ABCB11: variants seen among roughly 807,000 people sequenced by gnomAD.
ABCB11 encodes ATP binding cassette subfamily B member 11.
ABCB11 carries 95 observed loss-of-function variants against 148.0 expected under a neutral mutation model. The ratio of observed to expected loss-of-function variants is 0.64; its 90% CI spans 0.54 to 0.76. ABCB11 has a LOEUF of 0.76. ABCB11 is among the 30% of genes least tolerant of loss of function. The pLI is 0.00. For synonymous variants in ABCB11, 591 were observed against 555.4 expected, an observed-to-expected ratio of 1.06 and a Z score of -0.90; for missense variants, 1,523 against 1,617.8, an observed-to-expected ratio of 0.94 and a Z score of 1.01.
At chr2:168,959,279 C>A (rs1171409877) in intron 18 of ABCB11, among the ~76,000 whole-genome samples, 1 of 151,738 alleles carries the variant, frequency 6.6e-6, no homozygotes, top group Non-Finnish European at 1.5e-5. Flanking sequence ...ACCATTTGTA[C>A]TTTGTCATTA....
intron 19 of ABCB11, among the ~76,000 whole-genome samples, chr2:168,952,779 T>C (rs1692628130): frequency 6.6e-6 from 1 of 151,312 alleles, no homozygotes; most frequent in Admixed American, 6.6e-5. Flanking sequence ...TTTTTCTAGT[T>C]TCTTGAAGTG....
chr2:168,925,572 C>A (rs575623771), intron 26 of ABCB11, among the ~76,000 whole-genome samples: 2 of 152,110 alleles, frequency 1.3e-5, no homozygotes, highest in Admixed American at 6.5e-5. Flanking sequence ...GAAAATGGTG[C>A]GAGGACAAGT....
intron 19 of ABCB11, among the ~76,000 whole-genome samples, chr2:168,948,170 T>A (rs1012159553): frequency 6.6e-6 from 1 of 151,586 alleles, no homozygotes; most frequent in Non-Finnish European, 1.5e-5. Flanking sequence ...ACAGTTTAGG[T>A]GGAGATGGGT....
chr2:169,030,907 G>A (rs1412795310), intron 1 of ABCB11, among the ~76,000 whole-genome samples: 2 of 152,126 alleles, frequency 1.3e-5, no homozygotes, highest in Non-Finnish European at 2.9e-5. Flanking sequence ...AAGCCCACTG[G>A]TATTTTTACT....
intron 5 of ABCB11, among the ~76,000 whole-genome samples, chr2:169,007,963 G>C (rs1259943404): frequency 6.6e-6 from 1 of 152,070 alleles, no homozygotes; most frequent in Admixed American, 6.6e-5. Flanking sequence ...GTTTTAAAAA[G>C]GGCTGAATAC....
intron 5 of ABCB11, among the ~76,000 whole-genome samples, chr2:168,999,279 C>CT (rs369370665): frequency 6.8e-4 from 99 of 145,738 alleles, no homozygotes; most frequent in East Asian, 4.0e-3. Flanking sequence ...AACTTTTTAC[C>CT]TTTTTTTTTT....
At chr2:168,979,610 T>G (rs1371389409) in intron 11 of ABCB11, among the ~76,000 whole-genome samples, 1 of 140,266 alleles carries the variant, frequency 7.1e-6, no homozygotes, top group African/African-American at 2.8e-5. Context: ...AGGAGGGGGT[T>G]GCAGTGAGCC....
At chr2:169,029,275 T>A in intron 1 of ABCB11, among the ~76,000 whole-genome samples, 1 of 15,614 alleles carries the variant, frequency 6.4e-5, no homozygotes, top group East Asian at 5.5e-3. Flanking sequence ...TTTTCTTTCT[T>A]TTTTTTTTTT....
chr2:168,995,975 T>TAAA (rs3083997), intron 6 of ABCB11, among the ~76,000 whole-genome samples: 4,209 of 62,978 alleles, frequency 0.067, 472 homozygotes, highest in Non-Finnish European at 0.076. Context: ...TTTCCCTAAC[T>TAAA]AAAAAAAAAA....
At chr2:168,961,890 AAAGT>A (rs1693095667) in intron 18 of ABCB11, among the ~76,000 whole-genome samples, 1 of 151,698 alleles carries the variant, frequency 6.6e-6, no homozygotes, top group South Asian at 2.1e-4. Context: ...CAATCTACAG[AAAGT>A]AAGGTTAGGC....
intron 11 of ABCB11, among the ~76,000 whole-genome samples, chr2:168,977,740 C>A (rs1318067480): frequency 1.3e-5 from 2 of 152,158 alleles, no homozygotes; most frequent in East Asian, 3.8e-4. Context: ...AAAGGGGAAG[C>A]AAAGCATGTC....
At chr2:168,935,105 G>A in intron 23 of ABCB11, 79 bp downstream of exon 23, 1 of 1,568,398 alleles carries the variant, frequency 6.4e-7, no homozygotes, top group African/African-American at 1.4e-5. Context: ...TTGCTAAGCA[G>A]CAAAAAGCTA....
intron 13 of ABCB11, among the ~76,000 whole-genome samples, chr2:168,972,811 G>C (rs1243976853): frequency 6.6e-6 from 1 of 152,028 alleles, no homozygotes; most frequent in Non-Finnish European, 1.5e-5. Flanking sequence ...AGAGTGAAAA[G>C]AGCATGGGCT....
chr2:169,008,171 T>C (rs1695078445), intron 5 of ABCB11, among the ~76,000 whole-genome samples: 2 of 152,146 alleles, frequency 1.3e-5, no homozygotes, highest in South Asian at 4.1e-4. Context: ...ATGACTGCTG[T>C]AACAATTACC....
Position 169,030,281 on chromosome 2 carries a change from A to G in ABCB11, c.-28+944T>C, listed in dbSNP as rs555740566. 2.0e-5 allele frequency among the ~76,000 whole-genome samples: 3 copies of G among 152,190 alleles called. No individual in the cohort carries two copies. In the East Asian group the frequency reaches 5.8e-4, roughly 29 times the overall value. On this transcript the variant is annotated intron_variant, in intron 1 of 27. Coordinates refer to ENST00000650372, the MANE Select transcript of ABCB11 (RefSeq NM_003742.4). The stretch of plus-strand genomic sequence containing the variant: ...CTAGAGTGGGGTGGAGTGTAAACAG[A>G]AGCTCCTAGACAGGGAAATGGAGGC...
chr2:168,922,286 C>T lies in ABCB11; in HGVS notation c.*1336G>A, dbSNP rs1691103805. On this transcript the variant is annotated 3_prime_UTR_variant, in exon 28 of 28. Coordinates refer to ENST00000650372, the MANE Select transcript of ABCB11 (RefSeq NM_003742.4). ...CCTGTCTCTTGTATGTTAGCTGCCCCTTCAACTTCATCTTGTGTCTCTAAG... is the reference window on the plus strand; with the variant it reads ...CCTGTCTCTTGTATGTTAGCTGCCCTTTCAACTTCATCTTGTGTCTCTAAG... 6.6e-6 allele frequency among the ~76,000 whole-genome samples: 1 copy of T among 152,178 alleles called. No homozygotes were observed. Among genetic ancestry groups the T allele is most frequent in the South Asian group, 2.1e-4 (1 of 4,834 alleles).
intron 19 of ABCB11, among the ~76,000 whole-genome samples, chr2:168,951,394 G>A (rs188908993): frequency 1.4e-4 from 21 of 151,648 alleles, no homozygotes; most frequent in Admixed American, 6.6e-4. Flanking sequence ...AGCATGGGAT[G>A]TTTTTCCTTT....
intron 1 of ABCB11, among the ~76,000 whole-genome samples, chr2:169,019,284 G>A (rs1424491481): frequency 1.3e-5 from 2 of 152,174 alleles, no homozygotes; most frequent in African/African-American, 4.8e-5. Flanking sequence ...GAAGCAGAGA[G>A]TGGAGAATGA....
chr2:169,005,704 T>A (rs1199812701), intron 5 of ABCB11, among the ~76,000 whole-genome samples: 1 of 152,202 alleles, frequency 6.6e-6, no homozygotes, highest in East Asian at 1.9e-4. Context: ...AGATTTTTAG[T>A]GTTCTTACAA....
Sources: gnomAD v4.1 joint callset for allele counts (sites outside exome capture counted in the v4.1 genomes callset) on GRCh38, gnomAD v4.1.1 for gene constraint, MANE v1.5 for transcripts, NCBI Gene and HGNC (gene_info 2026-07-23, HGNC 2026-07-21) for gene names.